CENPK: variants seen among roughly 807,000 people sequenced by gnomAD.
The protein encoded by CENPK is SoxLZ/Sox6-binding protein Solt.
CENPK carries 46 observed loss-of-function variants against 40.9 expected under a neutral mutation model. The ratio of observed to expected loss-of-function variants is 1.13; its 90% CI spans 0.89 to 1.44. The LOEUF (loss-of-function observed/expected upper bound fraction) is 1.44, where lower values mean the gene tolerates loss of function less well. Ranked by LOEUF, CENPK falls within the 40% of genes most tolerant of loss-of-function variation. The probability of loss-of-function intolerance (pLI) is 0.00; values close to 1 mark genes in which losing one functional copy is unlikely to be tolerated. For missense variants in CENPK, 288 were observed against 303.5 expected, an observed-to-expected ratio of 0.95 and a Z score of 0.38; for synonymous variants, 107 against 104.4, an observed-to-expected ratio of 1.02 and a Z score of -0.15.
chr5:65,554,278 A>G (rs1750618506), intron 3 of CENPK, among the ~76,000 whole-genome samples: 1 of 151,938 alleles, frequency 6.6e-6, no homozygotes, highest in Non-Finnish European at 1.5e-5. Flanking sequence ...TAGCCACCCG[A>G]GTAGCTGAGA....
At chr5:65,507,337 A>G in the CENPK span, among the ~76,000 whole-genome samples, 3 of 152,238 alleles carry the variant, frequency 2.0e-5, no homozygotes, top group African/African-American at 7.2e-5. Flanking sequence ...ATCACTAAAA[A>G]GGATTCAGAT....
At chr5:65,545,876 T>C (rs1283561352) in intron 5 of CENPK, among the ~76,000 whole-genome samples, 2 of 152,080 alleles carry the variant, frequency 1.3e-5, no homozygotes, top group Non-Finnish European at 2.9e-5. Flanking sequence ...ATAATAAATG[T>C]CCTCAGACCC....
chr5:65,530,095 G>A (rs534503364), intron 6 of CENPK, among the ~76,000 whole-genome samples: 87 of 152,216 alleles, frequency 5.7e-4, no homozygotes, highest in African/African-American at 2.0e-3. Context: ...GAGCCACCAC[G>A]CCCGGCCCCA....
At chr5:65,514,263 G>GTTT (rs59636233), downstream of CENPK, among the ~76,000 whole-genome samples, 254 of 27,654 alleles carry the variant, frequency 9.2e-3, 3 homozygotes, top group Middle Eastern at 0.025. Context: ...TTTTTTTTTA[G>GTTT]TTTTTTTTAG....
chr5:65,561,607 C>A, intron 1 of CENPK, 43 bp from the exon 2 acceptor site: 1 of 419,848 alleles, frequency 2.4e-6, no homozygotes, highest in Non-Finnish European at 4.8e-6. Context: ...AACACACACA[C>A]ACACACACAC....
In CENPK at chr5:65,518,253, C is replaced by T. The variant is rs1743063346; in HGVS notation, c.*222G>A. The T allele has an allele frequency of 2.2e-6, 1 of 449,192 alleles. No homozygotes were observed. Among genetic ancestry groups the T allele is most frequent in the Non-Finnish European group, 3.9e-6 (1 of 256,618 alleles). The allele number at this position is 449,192 out of a possible 1,614,324, so 27.8% of individuals were successfully genotyped here. A position where few individuals can be genotyped will look rare whatever the true frequency, so the allele number is the denominator to read the frequency against. ...GTTTTATGCCTAGAATATTATCTAC[C>T]TGCATTCTTATCCATATAGTTTAAA... On this transcript the variant is annotated 3_prime_UTR_variant, in exon 11 of 11. Coordinates refer to ENST00000396679, the MANE Select transcript of CENPK (RefSeq NM_022145.5).
At chr5:65,553,689 C>T (rs1389071420) in intron 3 of CENPK, among the ~76,000 whole-genome samples, 2 of 152,204 alleles carry the variant, frequency 1.3e-5, no homozygotes, top group East Asian at 3.8e-4. Flanking sequence ...TCCCATTGCA[C>T]ATAAATTAAC....
chr5:65,509,720 A>G, the CENPK span, among the ~76,000 whole-genome samples: 7 of 152,176 alleles, frequency 4.6e-5, no homozygotes, highest in Admixed American at 4.6e-4. Context: ...ACAGACAGAT[A>G]TTGTCTGTTG....
downstream of CENPK, among the ~76,000 whole-genome samples, chr5:65,512,836 C>T (rs1002541248): frequency 2.0e-5 from 3 of 152,192 alleles, no homozygotes; most frequent in South Asian, 2.1e-4. Flanking sequence ...GCTCCACATC[C>T]TCATCAGCCT....
chr5:65,553,453 C>A (rs530836069), intron 3 of CENPK, among the ~76,000 whole-genome samples: 2 of 144,390 alleles, frequency 1.4e-5, no homozygotes, highest in Non-Finnish European at 1.6e-5. Flanking sequence ...GACAAGCTTG[C>A]CTTAAGTAGA....
intron 6 of CENPK, among the ~76,000 whole-genome samples, chr5:65,536,599 G>A (rs1342481476): frequency 1.3e-5 from 2 of 151,792 alleles, no homozygotes; most frequent in Non-Finnish European, 2.9e-5. Flanking sequence ...CTCCAACCGG[G>A]GCAACAGAGT....
chr5:65,555,761 T>C (rs562211490), intron 2 of CENPK, among the ~76,000 whole-genome samples: 10 of 152,336 alleles, frequency 6.6e-5, no homozygotes, highest in Admixed American at 1.3e-4. Flanking sequence ...AATTATTACG[T>C]TGCCAGTTAC....
At position 65,523,592 on chromosome 5, in the gene CENPK, A is replaced by C. The variant is rs140761373; in HGVS notation, c.598-2064T>G. ...TAAATGAGCATACGATTAGTGGTGA[A>C]GACAGCACAATTATAGTATTGATTA... On this transcript the variant is annotated intron_variant, in intron 9 of 10. Coordinates refer to ENST00000396679, the MANE Select transcript of CENPK (RefSeq NM_022145.5). Among the ~76,000 whole-genome samples, 565 of 152,336 alleles carry C rather than the reference A, an allele frequency of 3.7e-3. 3 individuals carry two copies. Among genetic ancestry groups the C allele is most frequent in the African/African-American group, 0.013 (534 of 41,582 alleles).
At position 65,521,484 on chromosome 5, in the gene CENPK, T is replaced by C; in HGVS notation, c.642A>G (p.Glu214=). 1 of 1,609,844 alleles carries C rather than the reference T, an allele frequency of 6.2e-7. No homozygotes were observed. Among genetic ancestry groups the C allele is most frequent in the Non-Finnish European group, 8.5e-7 (1 of 1,177,214 alleles). ...ESSVNLITLH[E]MLEILINRLF... ...TACACAAAACACTTACCTCTAACATTTCATGCAGTGTTATCAGGTTTACAG... is the reference window on the plus strand; with the variant it reads ...TACACAAAACACTTACCTCTAACATCTCATGCAGTGTTATCAGGTTTACAG... The change falls in exon 10 of 11, where the codon GAA becomes GAG. Residue 214 remains glutamate, a synonymous_variant. Transcript: ENST00000396679.
chr5:65,562,226 T>C (rs1293012895), intron 1 of CENPK, among the ~76,000 whole-genome samples: 1 of 152,128 alleles, frequency 6.6e-6, no homozygotes, highest in Non-Finnish European at 1.5e-5. Context: ...GCTGTAAACA[T>C]GAAGGCTAAA....
intron 6 of CENPK, chr5:65,541,560 A>T: frequency 4.8e-6 from 2 of 414,646 alleles, no homozygotes; most frequent in Middle Eastern, 4.5e-4. Flanking sequence ...CTATCCTTAG[A>T]CACATGTTCT....
At chr5:65,547,220 C>T (rs373500624) in intron 5 of CENPK, among the ~76,000 whole-genome samples, 15 of 152,022 alleles carry the variant, frequency 9.9e-5, no homozygotes, top group African/African-American at 3.6e-4. Context: ...TGGCAAAACC[C>T]CGTCTCTACT....
intron 3 of CENPK, among the ~76,000 whole-genome samples, chr5:65,554,497 A>AGC (rs1338717188): frequency 2.4e-4 from 36 of 152,174 alleles, no homozygotes; most frequent in African/African-American, 8.2e-4. Context: ...CACTCCTGCT[A>AGC]AGTATAGTCT....
At chr5:65,531,152 T>C (rs1375174811) in intron 6 of CENPK, among the ~76,000 whole-genome samples, 1 of 152,154 alleles carries the variant, frequency 6.6e-6, no homozygotes, top group Admixed American at 6.5e-5. Flanking sequence ...CAAGATCCTC[T>C]GCTCCCAACC....
Sources: allele counts gnomAD v4.1 joint callset (sites outside exome capture counted in the v4.1 genomes callset), GRCh38; gene constraint gnomAD v4.1.1; transcripts MANE v1.5; gene names NCBI Gene and HGNC (gene_info 2026-07-23, HGNC 2026-07-21).